Variants in CHMP7 observed in about 807,000 individuals in gnomAD.
CHMP7 encodes the protein charged multivesicular body protein 7.
A neutral mutation model predicts 53.7 loss-of-function variants in CHMP7; 15 were observed. The observed-to-expected ratio is 0.28, with a 90% CI of 0.19 to 0.43. The LOEUF is 0.43. Ranked by LOEUF, CHMP7 falls within the 20% of genes least tolerant of loss-of-function variation. The probability of loss-of-function intolerance (pLI) is 1.00; values close to 1 mark genes in which losing one functional copy is unlikely to be tolerated. For missense variants in CHMP7, 527 were observed against 569.4 expected, an observed-to-expected ratio of 0.93 and a Z score of 0.76; for synonymous variants, 261 against 228.0, an observed-to-expected ratio of 1.14 and a Z score of -1.30.
chr8:23,258,277 C>T, intron 6 of CHMP7, 53 bp from the exon 7 acceptor site: 1 of 1,611,492 alleles, frequency 6.2e-7, no homozygotes, highest in Non-Finnish European at 8.5e-7. Flanking sequence ...CTGTCTTCCT[C>T]TTGCCCTTTG....
chr8:23,255,028 T>C (rs1802068700), intron 3 of CHMP7: 1 of 587,782 alleles, frequency 1.7e-6, no homozygotes, highest in East Asian at 2.9e-5. Flanking sequence ...GCTCCCAGCA[T>C]CTCATGTGCC....
intron 1 of CHMP7, among the ~76,000 whole-genome samples, chr8:23,245,445 A>G (rs1801651726): frequency 6.6e-6 from 1 of 152,248 alleles, no homozygotes; most frequent in South Asian, 2.1e-4. Context: ...TGAACATTGA[A>G]CTAGCCTTGC....
rs1361254859 is a variant in CHMP7 at position 23,259,102 on chromosome 8, G to A, written c.1096G>A (p.Ala366Thr). 1 of 1,606,732 alleles carries A rather than the reference G, an allele frequency of 6.2e-7. No individual in the cohort carries two copies. The highest frequency in any genetic ancestry group is 8.5e-7 in the Non-Finnish European group (1 of 1,173,356). Residue 366 changes from alanine (A) to threonine (T), a missense_variant, in exon 9 of 11, where the codon GCT becomes ACT. Physicochemically the swap from Ala to Thr is moderately conservative, Grantham distance 58 (BLOSUM62 0). Transcript: ENST00000397677. The stretch of plus-strand genomic sequence containing the variant: ...CCAGGATGAAGTTTCTCAGACTCTG[G>A]CTGGTGGGGTAACAAATGGCTTAGG... ...DTQDEVSQTL[A>T]GGVTNGLDFD...
At chr8:23,250,620 CTGTGTGTGTGTGTGTGTGTG>C (rs59970101) in intron 3 of CHMP7, among the ~76,000 whole-genome samples, 80 of 143,394 alleles carry the variant, frequency 5.6e-4, no homozygotes, top group African/African-American at 1.5e-3. Flanking sequence ...TGATAGGGGC[CTGTGTGTGTGTGTGTGTGTG>C]TGTGTGTGTG....
chr8:23,249,743 T>G (rs1294143395), intron 3 of CHMP7, among the ~76,000 whole-genome samples: 3 of 152,192 alleles, frequency 2.0e-5, no homozygotes, highest in Non-Finnish European at 4.4e-5. Flanking sequence ...ACCTCTAAAC[T>G]GGCCCACTCA....
intron 9 of CHMP7, among the ~76,000 whole-genome samples, chr8:23,259,638 G>A: frequency 6.6e-6 from 1 of 152,170 alleles, no homozygotes; most frequent in South Asian, 2.1e-4. Context: ...GGTTACAGGT[G>A]TGAGCCACCA....
rs1285853810 is a variant in CHMP7 at position 23,261,606 on chromosome 8, C to G, written c.*1007C>G. On this transcript the variant is annotated 3_prime_UTR_variant, in exon 11 of 11. Transcript: ENST00000397677. ...GCAGGGGTTGTCCCCTCTGCCAGAT[C>G]TGTGGGGAGCTGCCCAGGCCACCCG... The G allele has an allele frequency of 6.5e-6, 1 of 152,750 alleles. No individual in the cohort carries two copies. The highest frequency in any genetic ancestry group is 1.5e-5 in the Non-Finnish European group (1 of 68,140). 9.5% of individuals were successfully genotyped at this position (152,750 alleles called of 1,614,324 possible).
At chr8:23,256,012 G>A (rs113925779) in intron 4 of CHMP7, among the ~76,000 whole-genome samples, 3,877 of 151,946 alleles carry the variant, frequency 0.026, 159 homozygotes, top group African/African-American at 0.087. Flanking sequence ...TGCCTGCCTC[G>A]GCCTCCCAAA....
Position 23,246,731 on chromosome 8 carries a change from C to T in CHMP7, c.36C>T (p.Ala12=), listed in dbSNP as rs773334747. ...CGGAGCGGGAGGCCGAGGCCCCAGC[C>T]GGGGGAGACCCGGCGGGCCTTCTGC... The part of the protein sequence containing the change: ...WSPEREAEAP[A]GGDPAGLLPP... The change falls in exon 2 of 11, where the codon GCC becomes GCT. Residue 12 remains alanine, a synonymous_variant. Transcript: ENST00000397677. 10 of 1,550,476 alleles carry T rather than the reference C, an allele frequency of 6.4e-6. No individual in the cohort carries two copies. The highest frequency in any genetic ancestry group is 1.4e-5 in the African/African-American group (1 of 73,012).
In CHMP7 at chr8:23,255,392, A is replaced by T; in HGVS notation, c.617A>T (p.Lys206Met). ...TACTTGGTGTTGCTGCAGCTGCAGA[A>T]GGAGAAGAGGGTCACAGTCCTCGAG... ...TFYLVLLQLQ[K>M]EKRVTVLEQN... Residue 206 changes from lysine (K) to methionine (M), a missense_variant, in exon 4 of 11, where the codon AAG becomes ATG. Coordinates refer to ENST00000397677, the MANE Select transcript of CHMP7 (RefSeq NM_152272.5). 1 of 1,614,202 alleles carries T rather than the reference A, an allele frequency of 6.2e-7. No homozygotes were observed. Among genetic ancestry groups the T allele is most frequent in the Non-Finnish European group, 8.5e-7 (1 of 1,180,024 alleles).
chr8:23,246,648 G>T lies in CHMP7; in HGVS notation c.-48G>T, dbSNP rs1388624770. On this transcript the variant is annotated 5_prime_UTR_variant, in exon 2 of 11. Coordinates refer to ENST00000397677, the MANE Select transcript of CHMP7 (RefSeq NM_152272.5). The stretch of plus-strand genomic sequence containing the variant: ...CCGGGAGGGAACGAGGGCGGAAGCG[G>T]ACCAGGGCCAGGCTTGTGTTCGCAG... 4 of 1,504,424 alleles carry T rather than the reference G, an allele frequency of 2.7e-6. No individual in the cohort carries two copies. The highest frequency in any genetic ancestry group is 4.1e-5 in the Admixed American group (2 of 48,348). 93.2% of individuals were successfully genotyped at this position (1,504,424 alleles called of 1,614,324 possible).
rs1350375711 is a variant in CHMP7, at chr8:23,260,986, C to CT, written c.*387_*388insT. ...AAATCTGAATCAGTTCCCACTCCCC[C>CT]CTGCGGTTTTTTAGAGGGGTTTATC... On this transcript the variant is annotated 3_prime_UTR_variant, in exon 11 of 11. Transcript: ENST00000397677. 2.3e-5 allele frequency: 6 copies of CT among 257,662 alleles called. No individual in the cohort carries two copies. Among genetic ancestry groups the CT allele is most frequent in the Middle Eastern group, 1.3e-3 (1 of 758 alleles). 16.0% of individuals were successfully genotyped at this position (257,662 alleles called of 1,614,324 possible).
At position 23,259,004 on chromosome 8, in the gene CHMP7, C is replaced by G. The variant is rs1802257183; in HGVS notation, c.1060-62C>G. On this transcript the variant is annotated intron_variant, in intron 8 of 10. Transcript: ENST00000397677. Reference sequence around the variant, plus strand: ...CTTTGTAACCCTAGATATTTTCCACCAAAGACTGAGATGCTCAGAGCCACC... The same window carrying G: ...CTTTGTAACCCTAGATATTTTCCACGAAAGACTGAGATGCTCAGAGCCACC... The G allele has an allele frequency of 1.7e-5, 21 of 1,200,252 alleles. 1 individual carries two copies. In the South Asian group the frequency reaches 2.5e-4, roughly 14 times the overall value. The allele number at this position is 1,200,252 out of a possible 1,614,324, so 74.4% of individuals were successfully genotyped here. A position where few individuals can be genotyped will look rare whatever the true frequency, so the allele number is the denominator to read the frequency against.
At position 23,258,827 on chromosome 8, in the gene CHMP7, A is replaced by G. The variant is rs572610523; in HGVS notation, c.1056A>G (p.Gln352=). 1.6e-4 allele frequency: 262 copies of G among 1,602,662 alleles called. 1 individual carries two copies. Among genetic ancestry groups the G allele is most frequent in the Non-Finnish European group, 2.2e-4 (256 of 1,170,098 alleles). Reference sequence around the variant, plus strand: ...CAGAGAGCCTCGTGGATCAGATCCAAGAGGTACAGAAAGGGGCCAGGGAGG... The same window carrying G: ...CAGAGAGCCTCGTGGATCAGATCCAGGAGGTACAGAAAGGGGCCAGGGAGG... The part of the protein sequence containing the change: ...EKAESLVDQI[Q]ELCDTQDEVS... The change falls in exon 8 of 11, where the codon CAA becomes CAG. Residue 352 remains glutamine, a synonymous_variant. Transcript: ENST00000397677.
In CHMP7 at chr8:23,248,443, CT is replaced by C. The variant is rs1033743395; in HGVS notation, c.300-763del. Among the ~76,000 whole-genome samples the C allele has an allele frequency of 5.3e-5, 8 of 152,218 alleles. 1 individual carries two copies. Among genetic ancestry groups the C allele is most frequent in the African/African-American group, 1.9e-4 (8 of 41,464 alleles). ...AAAGCAGTGTCAAAAATCACAATTA[CT>C]TTTGCACCAACCTAATAGTTAACAG... On this transcript the variant is annotated intron_variant, in intron 2 of 10. Transcript: ENST00000397677.
intron 3 of CHMP7, among the ~76,000 whole-genome samples, chr8:23,251,268 A>T (rs769595381): frequency 1.3e-5 from 2 of 152,224 alleles, no homozygotes; most frequent in Non-Finnish European, 2.9e-5. Flanking sequence ...TTTGGATGGT[A>T]TTGAAAAATA....
chr8:23,258,646 A>C, intron 7 of CHMP7, 86 bp from the exon 8 acceptor site: 1 of 1,246,108 alleles, frequency 8.0e-7, no homozygotes, highest in South Asian at 1.3e-5. Context: ...AAAACACCCC[A>C]AAGCTGCCTT....
intron 3 of CHMP7, among the ~76,000 whole-genome samples, chr8:23,252,188 G>A (rs1474301901): frequency 1.4e-5 from 1 of 70,056 alleles, no homozygotes; most frequent in Admixed American, 1.6e-4. Flanking sequence ...GTTTTGTATT[G>A]TGTTATCTTT....
chr8:23,250,073 T>C (rs1449298748), intron 3 of CHMP7, among the ~76,000 whole-genome samples: 1 of 152,148 alleles, frequency 6.6e-6, no homozygotes, highest in Non-Finnish European at 1.5e-5. Context: ...TCGCCTGTCA[T>C]CAGACTGCGG....
Sources: gnomAD v4.1 joint callset for allele counts (sites outside exome capture counted in the v4.1 genomes callset) on GRCh38, gnomAD v4.1.1 for gene constraint, MANE v1.5 for transcripts, NCBI Gene and HGNC (gene_info 2026-07-23, HGNC 2026-07-21) for gene names.